PHIP: variants seen among roughly 807,000 people sequenced by gnomAD.
PHIP encodes PH-interacting protein.
A neutral mutation model predicts 236.8 loss-of-function variants in PHIP; 54 were observed. That is an observed-to-expected ratio of 0.23 (90% confidence interval 0.18 to 0.29). The LOEUF is 0.29. Ranked by LOEUF, PHIP falls within the 10% of genes least tolerant of loss-of-function variation. The pLI, the probability that PHIP is intolerant of heterozygous loss-of-function variation, is 1.00. For missense variants in PHIP, 1,370 were observed against 2,190.8 expected (o/e 0.63, Z 7.48); for synonymous variants, 756 against 718.9 (o/e 1.05, Z -0.83).
At chr6:78,967,005 C>G (rs1270689303) in intron 27 of PHIP, among the ~76,000 whole-genome samples, 2 of 152,160 alleles carry the variant, frequency 1.3e-5, no homozygotes, top group Admixed American at 1.3e-4. Context: ...TATTAAAGCA[C>G]TCCACATTTT....
At chr6:79,068,868 A>G (rs943745233) in intron 4 of PHIP, among the ~76,000 whole-genome samples, 1 of 152,128 alleles carries the variant, frequency 6.6e-6, no homozygotes, top group Non-Finnish European at 1.5e-5. Context: ...TCTTTCCTCT[A>G]GTATATAATT....
chr6:79,038,254 T>C (rs1346868343), intron 7 of PHIP, among the ~76,000 whole-genome samples: 1 of 152,230 alleles, frequency 6.6e-6, no homozygotes, highest in East Asian at 1.9e-4. Context: ...AAGGCCAAAG[T>C]GCCAGTAGAT....
chr6:79,077,935 G>A (rs901101280), intron 1 of PHIP, 22 bp from the exon 2 acceptor site: 11 of 1,594,090 alleles, frequency 6.9e-6, no homozygotes, highest in African/African-American at 2.7e-5. Context: ...AGAGGGACGG[G>A]GAGACACACA....
rs1250375784 is a variant in PHIP, at chr6:79,077,991, C to T, written c.40+38G>A. ...GGGGGCGGGGGACCGCGGGCGGAAT[C>T]GCCCGGTGCCAGCGGCCCCGGCAGC... On this transcript the variant is annotated intron_variant, in intron 1 of 39. Coordinates refer to ENST00000275034, the MANE Select transcript of PHIP (RefSeq NM_017934.7). 3 of 1,605,358 alleles carry T rather than the reference C, an allele frequency of 1.9e-6. No homozygotes were observed. The African/African-American group carries it at 4.0e-5, about 22-fold the overall frequency.
In PHIP at chr6:78,995,890, A is replaced by G. The variant is rs114567481; in HGVS notation, c.2201+1524T>C. ...AGATTCTTAGGAAGATTCCCATAGG[A>G]TGAGTACAAAGTTTTAGAGACAAAG... On this transcript the variant is annotated intron_variant, in intron 19 of 39. Transcript: ENST00000275034. Among the ~76,000 whole-genome samples, 1,084 of 152,324 alleles carry G rather than the reference A, an allele frequency of 7.1e-3. 16 individuals are homozygous for G. Among genetic ancestry groups the G allele is most frequent in the African/African-American group, 0.024 (1,018 of 41,558 alleles).
In PHIP at chr6:78,936,887, T is replaced by A. The variant is rs982760409; in HGVS notation, c.*3806A>T. ...AATATTAATTTTAGTTCAGATCACT[T>A]GGAAATTAGGGGAACTAAGGGAAAC... On this transcript the variant is annotated 3_prime_UTR_variant, in exon 40 of 40. Coordinates refer to ENST00000275034, the MANE Select transcript of PHIP (RefSeq NM_017934.7). 1 of 151,794 alleles carries A rather than the reference T, an allele frequency of 6.6e-6. No homozygotes were observed. The highest frequency in any genetic ancestry group is 2.4e-5 in the African/African-American group (1 of 41,412). The allele number at this position is 151,794 out of a possible 1,614,324, so 9.4% of individuals were successfully genotyped here.
At position 78,938,743 on chromosome 6, in the gene PHIP, ACT is replaced by A. The variant is rs1773363505; in HGVS notation, c.*1948_*1949del. 2.0e-5 allele frequency: 3 copies of A among 151,696 alleles called. No homozygotes were observed. Among genetic ancestry groups the A allele is most frequent in the Admixed American group, 6.6e-5 (1 of 15,240 alleles). The allele number at this position is 151,696 out of a possible 1,614,324, so 9.4% of individuals were successfully genotyped here. A position where few individuals can be genotyped will look rare whatever the true frequency, so the allele number is the denominator to read the frequency against. On this transcript the variant is annotated 3_prime_UTR_variant, in exon 40 of 40. Coordinates refer to ENST00000275034, the MANE Select transcript of PHIP (RefSeq NM_017934.7). ...CTGAAAAATTTGAAATTATTTTTCA[ACT>A]GCAAAATCTCAGCAATGCAGTCAAG...
At chr6:79,028,134 A>C (rs2127749815) in intron 7 of PHIP, among the ~76,000 whole-genome samples, 1 of 152,292 alleles carries the variant, frequency 6.6e-6, no homozygotes, top group Admixed American at 6.5e-5. Context: ...ATAGAACTGC[A>C]AGCAGCCTGC....
chr6:79,043,068 T>TA, intron 6 of PHIP, 65 bp from the exon 7 acceptor site: 1 of 1,326,586 alleles, frequency 7.5e-7, no homozygotes, highest in South Asian at 1.2e-5. Context: ...GATCACCTTT[T>TA]AAGAATTCAC....
At chr6:78,962,876 G>A (rs893010941) in intron 30 of PHIP, among the ~76,000 whole-genome samples, 13 of 152,040 alleles carry the variant, frequency 8.6e-5, no homozygotes, top group African/African-American at 2.7e-4. Context: ...ACTTCTAGGA[G>A]GCCCTTATTC....
chr6:78,946,329 T>A, intron 37 of PHIP, 69 bp from the exon 38 acceptor site: 8 of 1,467,722 alleles, frequency 5.5e-6, no homozygotes, highest in Non-Finnish European at 7.3e-6. Flanking sequence ...GTTTATAATA[T>A]TTTTGGATTC....
At chr6:79,077,991 C>G in intron 1 of PHIP, 38 bp downstream of exon 1, 1 of 1,605,466 alleles carries the variant, frequency 6.2e-7, no homozygotes, top group African/African-American at 1.3e-5. Flanking sequence ...CGGGCGGAAT[C>G]GCCCGGTGCC....
intron 7 of PHIP, among the ~76,000 whole-genome samples, chr6:79,030,662 C>T (rs1461856015): frequency 2.6e-5 from 4 of 152,030 alleles, no homozygotes; most frequent in African/African-American, 7.2e-5. Flanking sequence ...TCTGAAGCTA[C>T]AAGAAGAGGT....
Position 79,078,201 on chromosome 6 carries a change from G to T in PHIP, c.-133C>A, listed in dbSNP as rs1774293358. The T allele has an allele frequency of 3.7e-6, 3 of 804,106 alleles. No homozygotes were observed. Among genetic ancestry groups the T allele is most frequent in the African/African-American group, 3.6e-5 (2 of 56,296 alleles). 49.8% of individuals were successfully genotyped at this position (804,106 alleles called of 1,614,324 possible). On this transcript the variant is annotated 5_prime_UTR_variant, in exon 1 of 40. Coordinates refer to ENST00000275034, the MANE Select transcript of PHIP (RefSeq NM_017934.7). ...GCTTCGGCTCCACCATTCAAGCAAC[G>T]GCGGCGGAGGCGGAGGAGGAGGAGG...
Position 78,941,268 on chromosome 6 carries a change from G to A in PHIP, c.4891C>T (p.Pro1631Ser). The change falls in exon 40 of 40, where the codon CCA (proline) becomes TCA (serine). Residue 1631 changes from proline (P) to serine (S), a missense_variant. By Grantham distance (74) the Pro-to-Ser change is moderately conservative (BLOSUM62 -1). Around this residue, in one of 14 missense-constraint regions of PHIP, gnomAD observed 309 missense variants for 328.3 expected, o/e 0.94. Transcript: ENST00000275034. Reference protein sequence around the residue: ...TIQVNGHGGQPSKLVKRGPGR... With the variant: ...TIQVNGHGGQSSKLVKRGPGR... ...GGTCCCCTCTTCACAAGTTTTGATG[G>A]CTGTCCTCCATGGCCATTTACTTGA... is the stretch of plus-strand genomic sequence containing the variant. 1 of 1,613,148 alleles carries A rather than the reference G, an allele frequency of 6.2e-7. No homozygotes were observed. Among genetic ancestry groups the A allele is most frequent in the Non-Finnish European group, 8.5e-7 (1 of 1,179,260 alleles).
In PHIP at chr6:79,055,377, T is replaced by C. The variant is rs116684260; in HGVS notation, c.439+5101A>G. On this transcript the variant is annotated intron_variant, in intron 6 of 39. Coordinates refer to ENST00000275034, the MANE Select transcript of PHIP (RefSeq NM_017934.7). The stretch of plus-strand genomic sequence containing the variant: ...CTTCTTTCCTATCTCCCCTTACTCA[T>C]GCACATTTATTACTGAAGTATAAGC... 6.3e-3 allele frequency among the ~76,000 whole-genome samples: 960 copies of C among 152,286 alleles called. 19 individuals are homozygous for C. Among genetic ancestry groups the C allele is most frequent in the African/African-American group, 0.022 (904 of 41,570 alleles).
Position 78,954,955 on chromosome 6 carries a change from C to A in PHIP, c.3912G>T (p.Gln1304His), listed in dbSNP as rs1582100495. The change falls in exon 35 of 40, where the codon CAG (glutamine) becomes CAT (histidine). Residue 1304 changes from glutamine to histidine, a missense_variant. Transcript: ENST00000275034. ...GTSTRKRKDH[Q>H]PRRRLRNRAQ... ...CTCTATTACGTAATCTTCTTCTAGG[C>A]TGATGGTCCTGTGATAAAAGTGTTC... The A allele has an allele frequency of 3.2e-6, 5 of 1,555,074 alleles. No individual in the cohort carries two copies. Among genetic ancestry groups the A allele is most frequent in the Non-Finnish European group, 3.5e-6 (4 of 1,157,988 alleles).
chr6:78,955,304 G>C, intron 33 of PHIP, 22 bp from the exon 34 acceptor site: 1 of 1,569,680 alleles, frequency 6.4e-7, no homozygotes, highest in East Asian at 2.2e-5. Flanking sequence ...GAATTTACCA[G>C]ATTCATAAAA....
intron 4 of PHIP, among the ~76,000 whole-genome samples, chr6:79,073,314 C>T (rs1773987883): frequency 6.6e-6 from 1 of 151,590 alleles, no homozygotes; most frequent in African/African-American, 2.4e-5. Context: ...TCATATAACC[C>T]TTCACGCCTA....
Sources: gnomAD v4.1 joint callset for allele counts (sites outside exome capture counted in the v4.1 genomes callset) on GRCh38, gnomAD v4.1.1 for gene constraint, gnomAD v4.1.1 regional missense constraint, MANE v1.5 for transcripts, NCBI Gene and HGNC (gene_info 2026-07-23, HGNC 2026-07-21) for gene names.